Variants in PITPNB observed in about 807,000 individuals in gnomAD.
PITPNB encodes phosphatidylinositol transfer protein beta, also known as phosphatidylinositol transfer protein beta isoform.
In PITPNB, 16 loss-of-function variants were observed where a neutral mutation model predicts 45.9. The observed-to-expected ratio is 0.35, with a 90% CI of 0.24 to 0.53. The LOEUF is 0.53. Among genes scored for constraint, PITPNB ranks in the 20% least tolerant of loss-of-function variants. The probability of loss-of-function intolerance (pLI) is 0.93; values close to 1 mark genes in which losing one functional copy is unlikely to be tolerated. For missense variants in PITPNB, 188 were observed against 330.5 expected, an observed-to-expected ratio of 0.57 and a Z score of 3.34; for synonymous variants, 112 against 108.9, an observed-to-expected ratio of 1.03 and a Z score of -0.18.
At chr22:27,917,485 A>C (rs965946744) in intron 1 of PITPNB, among the ~76,000 whole-genome samples, 1 of 152,234 alleles carries the variant, frequency 6.6e-6, no homozygotes, top group African/African-American at 2.4e-5. Context: ...AAGTCAGAGT[A>C]ATGAACACTT....
chr22:27,893,518 C>T (rs947754408), intron 7 of PITPNB, among the ~76,000 whole-genome samples: 2 of 148,544 alleles, frequency 1.3e-5, no homozygotes, highest in Non-Finnish European at 3.0e-5. Flanking sequence ...CTCCTGACCT[C>T]GTGATCTTCC....
In PITPNB at chr22:27,919,241, CGCT is replaced by C; in HGVS notation, c.-53_-51del. On this transcript the variant is annotated 5_prime_UTR_variant, in exon 1 of 12. Transcript: ENST00000335272. ...CCGCCGATACCACCGCCGCCGCCGC[CGCT>C]ACCGCCTCTCACAGCGCCTGCGCGG... 1 of 1,511,372 alleles carries C rather than the reference CGCT, an allele frequency of 6.6e-7. No homozygotes were observed. The highest frequency in any genetic ancestry group is 9.2e-7 in the Non-Finnish European group (1 of 1,088,962). The allele number at this position is 1,511,372 out of a possible 1,614,324, so 93.6% of individuals were successfully genotyped here. A position where few individuals can be genotyped will look rare whatever the true frequency, so the allele number is the denominator to read the frequency against.
chr22:27,867,408 G>A (rs935462303), intron 8 of PITPNB, among the ~76,000 whole-genome samples: 1 of 152,176 alleles, frequency 6.6e-6, no homozygotes, highest in South Asian at 2.1e-4. Context: ...AATGGAAGAA[G>A]TAAACATGAG....
chr22:27,904,703 A>G (rs1935706894), intron 3 of PITPNB, among the ~76,000 whole-genome samples: 1 of 152,202 alleles, frequency 6.6e-6, no homozygotes, highest in Admixed American at 6.5e-5. Context: ...AGTCTAAGAG[A>G]GAGAAGGTAA....
intron 1 of PITPNB, among the ~76,000 whole-genome samples, chr22:27,918,163 G>T (rs1936140448): frequency 6.6e-6 from 1 of 152,202 alleles, no homozygotes; most frequent in Admixed American, 6.5e-5. Context: ...TTTATTCTGG[G>T]TGAGACAGGG....
At chr22:27,856,687 T>C (rs1934183661) in intron 10 of PITPNB, among the ~76,000 whole-genome samples, 2 of 152,240 alleles carry the variant, frequency 1.3e-5, no homozygotes, top group South Asian at 4.1e-4. Context: ...GTTTGAGCTG[T>C]TGGTAAATCC....
intron 7 of PITPNB, among the ~76,000 whole-genome samples, chr22:27,879,436 T>A (rs1934907399): frequency 6.6e-6 from 1 of 152,202 alleles, no homozygotes; most frequent in African/African-American, 2.4e-5. Context: ...CTACTGGGGC[T>A]AGTGAGCTGC....
At chr22:27,913,151 T>C (rs1282773040) in intron 2 of PITPNB, among the ~76,000 whole-genome samples, 2 of 152,172 alleles carry the variant, frequency 1.3e-5, no homozygotes, top group East Asian at 3.8e-4. Flanking sequence ...ACATTCAACT[T>C]CAAACAATCA....
At chr22:27,882,955 G>A (rs2146380386) in intron 7 of PITPNB, among the ~76,000 whole-genome samples, 1 of 152,310 alleles carries the variant, frequency 6.6e-6, no homozygotes, top group African/African-American at 2.4e-5. Context: ...TTTATTAAAT[G>A]AACAAATGAG....
At chr22:27,863,961 A>C (rs180969096) in intron 8 of PITPNB, among the ~76,000 whole-genome samples, 6 of 152,186 alleles carry the variant, frequency 3.9e-5, no homozygotes, top group African/African-American at 1.4e-4. Context: ...GTTCCCTAAG[A>C]TATCTTTCCA....
At chr22:27,883,436 A>C (rs959278532) in intron 7 of PITPNB, among the ~76,000 whole-genome samples, 1 of 152,226 alleles carries the variant, frequency 6.6e-6, no homozygotes, top group African/African-American at 2.4e-5. Flanking sequence ...AAATCCTAGA[A>C]GGGTGCCTAT....
Position 27,919,256 on chromosome 22 carries a change from C to A in PITPNB, c.-65G>T. On this transcript the variant is annotated 5_prime_UTR_variant, in exon 1 of 12. Coordinates refer to ENST00000335272, the MANE Select transcript of PITPNB (RefSeq NM_012399.5). ...CCGCCGCCGCCGCTACCGCCTCTCACAGCGCCTGCGCGGCCCCGCCTCCCT... is the reference window on the plus strand; with the variant it reads ...CCGCCGCCGCCGCTACCGCCTCTCAAAGCGCCTGCGCGGCCCCGCCTCCCT... The A allele has an allele frequency of 1.4e-6, 2 of 1,459,294 alleles. No individual in the cohort carries two copies. The highest frequency in any genetic ancestry group is 9.6e-7 in the Non-Finnish European group (1 of 1,042,620). The allele number at this position is 1,459,294 out of a possible 1,614,324, so 90.4% of individuals were successfully genotyped here. A position where few individuals can be genotyped will look rare whatever the true frequency, so the allele number is the denominator to read the frequency against.
At chr22:27,898,746 T>C (rs909970335) in intron 3 of PITPNB, among the ~76,000 whole-genome samples, 5 of 152,320 alleles carry the variant, frequency 3.3e-5, no homozygotes, top group Admixed American at 2.0e-4. Context: ...CTTGCTGCCT[T>C]AAGTATATTC....
intron 7 of PITPNB, among the ~76,000 whole-genome samples, chr22:27,874,608 T>C (rs1176764236): frequency 5.3e-5 from 8 of 152,200 alleles, no homozygotes; most frequent in African/African-American, 1.9e-4. Flanking sequence ...CTATCTGCTT[T>C]ACAAAAGTTC....
chr22:27,872,303 A>G (rs1934690303), intron 8 of PITPNB, among the ~76,000 whole-genome samples: 1 of 151,868 alleles, frequency 6.6e-6, no homozygotes, highest in African/African-American at 2.4e-5. Flanking sequence ...CATGTTGCCC[A>G]GGCTGGTATT....
chr22:27,895,068 A>G (rs911712200), intron 6 of PITPNB, among the ~76,000 whole-genome samples: 4 of 152,186 alleles, frequency 2.6e-5, no homozygotes, highest in Non-Finnish European at 4.4e-5. Context: ...TCTCTCCAAA[A>G]TTTGATTATC....
chr22:27,890,323 CT>C (rs1733871356), intron 7 of PITPNB, among the ~76,000 whole-genome samples: 1 of 151,444 alleles, frequency 6.6e-6, no homozygotes, highest in Admixed American at 6.6e-5. Context: ...TCTTCTCTTT[CT>C]TTTTGTAACA....
intron 7 of PITPNB, among the ~76,000 whole-genome samples, chr22:27,874,319 C>T (rs1455248303): frequency 6.6e-6 from 1 of 152,156 alleles, no homozygotes; most frequent in East Asian, 1.9e-4. Context: ...CTGTGGTGGA[C>T]ATCTCAGTTT....
chr22:27,879,776 C>A (rs928395134), intron 7 of PITPNB, among the ~76,000 whole-genome samples: 3 of 151,988 alleles, frequency 2.0e-5, no homozygotes, highest in African/African-American at 7.2e-5. Flanking sequence ...GACAGTAAAT[C>A]ACTGAACATA....
Sources: gnomAD v4.1 joint callset for allele counts (sites outside exome capture counted in the v4.1 genomes callset) on GRCh38, gnomAD v4.1.1 for gene constraint, MANE v1.5 for transcripts, NCBI Gene and HGNC (gene_info 2026-07-23, HGNC 2026-07-21) for gene names.